The following OTOGL variants were observed in gnomAD, a reference collection of about 807,000 sequenced individuals.
OTOGL encodes the protein otogelin like.
A neutral mutation model predicts 318.5 loss-of-function variants in OTOGL; 285 were observed. That is an observed-to-expected ratio of 0.89 (90% CI 0.81 to 0.99). The LOEUF is 0.99. OTOGL is among the 50% of genes least tolerant of loss of function. The pLI is 0.00. For synonymous variants in OTOGL, 987 were observed against 936.5 expected (o/e 1.05, Z -0.99); for missense variants, 2,899 against 2,845.6 (o/e 1.02, Z -0.43).
chr12:80,217,547 C>A, intron 4 of OTOGL, 51 bp from the exon 5 acceptor site: 2 of 1,269,360 alleles, frequency 1.6e-6, no homozygotes, highest in Non-Finnish European at 2.2e-6. Context: ...GCATGTTTGG[C>A]TTGAATTAAA....
chr12:80,318,522 A>T (rs1887114491), intron 32 of OTOGL, 24 bp from the exon 33 acceptor site: 9 of 1,217,292 alleles, frequency 7.4e-6, no homozygotes, highest in Non-Finnish European at 9.4e-6. Flanking sequence ...CCAATTTATA[A>T]TTCTAATATT....
Position 80,229,275 on chromosome 12 carries a change from T to A in OTOGL, c.508T>A (p.Cys170Ser), listed in dbSNP as rs1310091751. 9 of 1,597,994 alleles carry A rather than the reference T, an allele frequency of 5.6e-6. No homozygotes were observed. In the Admixed American group the frequency reaches 1.5e-4, roughly 27 times the overall value. ...YTVWVHNSPK[C>S]LGSVYSCYRS... ...CTTTAAGGTTCATAACAGCCCTAAA[T>A]GCCTTGGTTCGGTGTATTCTTGTTA... Residue 170 changes from cysteine to serine, a missense_variant, in exon 8 of 59, where the codon TGC (cysteine) becomes AGC (serine). Physicochemically the swap from Cys to Ser is moderately radical, Grantham distance 112. Coordinates refer to ENST00000547103, the MANE Select transcript of OTOGL (RefSeq NM_001378609.3).
intron 57 of OTOGL, among the ~76,000 whole-genome samples, chr12:80,374,775 A>G (rs10778736): frequency 0.85 from 129,116 of 151,774 alleles, 54,958 homozygotes; most frequent in South Asian, 0.88. Context: ...AAGTGAGTAC[A>G]ATTATGTTAT....
Position 80,342,067 on chromosome 12 carries a change from A to G in OTOGL, c.5170A>G (p.Thr1724Ala). ...GGAAATTGAGAAATCATTTGAAGTA[A>G]CAATGAGAAGACCTGTTAGGAATTG... ...SWEIEKSFEVTMRRPVRNCTE... is the reference protein window; with the variant it reads ...SWEIEKSFEVAMRRPVRNCTE... Residue 1724 changes from threonine to alanine, a missense_variant, in exon 44 of 59, where the codon ACA becomes GCA. Physicochemically the swap from Thr to Ala is moderately conservative, Grantham distance 58 (BLOSUM62 0). Coordinates refer to ENST00000547103, the MANE Select transcript of OTOGL (RefSeq NM_001378609.3). The G allele has an allele frequency of 6.2e-7, 1 of 1,607,804 alleles. No individual in the cohort carries two copies. The highest frequency in any genetic ancestry group is 1.7e-4 in the Middle Eastern group (1 of 6,054).
intron 1 of OTOGL, among the ~76,000 whole-genome samples, chr12:80,128,616 T>A (rs533611488): frequency 1.6e-4 from 24 of 152,318 alleles, no homozygotes; most frequent in African/African-American, 5.8e-4. Flanking sequence ...GTCTTTTGTT[T>A]GGCTATGCCC....
Position 80,377,932 on chromosome 12 carries a change from T to C in OTOGL, c.6946T>C (p.Cys2316Arg). Reference sequence around the variant, plus strand: ...TGAAAGTCACCTAAGATTCTGCAAGTGTTGTCGTGAAAATGGAGTACGAAA... The same window carrying C: ...TGAAAGTCACCTAAGATTCTGCAAGCGTTGTCGTGAAAATGGAGTACGAAA... ...NIESHLRFCK[C>R]CRENGVRNLS... Residue 2316 changes from cysteine to arginine, a missense_variant, in exon 59 of 59, where the codon TGT becomes CGT. Physicochemically the swap from Cys to Arg is radical, Grantham distance 180. Coordinates refer to ENST00000547103, the MANE Select transcript of OTOGL (RefSeq NM_001378609.3). The C allele has an allele frequency of 6.2e-7, 1 of 1,610,848 alleles. No homozygotes were observed. The highest frequency in any genetic ancestry group is 8.5e-7 in the Non-Finnish European group (1 of 1,178,120).
chr12:80,286,848 T>C (rs527509682), intron 26 of OTOGL, among the ~76,000 whole-genome samples: 22 of 152,258 alleles, frequency 1.4e-4, no homozygotes, highest in East Asian at 9.7e-4. Context: ...CCTGGATTCA[T>C]TGATTTTTTG....
At chr12:80,309,011 A>AGGGAGT (rs1330497969) in intron 29 of OTOGL, among the ~76,000 whole-genome samples, 12 of 150,088 alleles carry the variant, frequency 8.0e-5, no homozygotes, top group African/African-American at 2.2e-4. Context: ...GGAGAGGGAG[A>AGGGAGT]GAAGAAGTAA....
At chr12:80,359,259 G>A (rs1223473820) in intron 52 of OTOGL, among the ~76,000 whole-genome samples, 1 of 152,154 alleles carries the variant, frequency 6.6e-6, no homozygotes, top group Non-Finnish European at 1.5e-5. Context: ...TGTTGTAGAG[G>A]AGAAGGGGGT....
In OTOGL at chr12:80,356,879, G is replaced by A. The variant is rs11836060; in HGVS notation, c.5984G>A (p.Arg1995Gln). The A allele has an allele frequency of 0.19, 302,271 of 1,595,220 alleles. 30,055 individuals carry two copies. Among genetic ancestry groups the A allele is most frequent in the Middle Eastern group, 0.22 (1,293 of 5,992 alleles). The change falls in exon 49 of 59, where the codon CGA becomes CAA. Residue 1995 changes from arginine (R) to glutamine (Q), a missense_variant. Around this residue, in one of 3 missense-constraint regions of OTOGL, gnomAD observed 2,607 missense variants for 2,524.9 expected, o/e 1.03. Transcript: ENST00000547103. ...GAAGATCAATTCATGATTCAAGTTC[G>A]ACAGGAAGAACCTTGTTGTTTTTCC... ...CREDQFMIQV[R>Q]QEEPCCFSPF...
chr12:80,115,364 G>T (rs935000447), intron 1 of OTOGL, among the ~76,000 whole-genome samples: 1 of 152,062 alleles, frequency 6.6e-6, no homozygotes, highest in South Asian at 2.1e-4. Flanking sequence ...TCTTCTGCAG[G>T]TCTGCTGGAG....
At chr12:80,255,208 A>G in intron 16 of OTOGL, 23 bp downstream of exon 16, 3 of 1,397,698 alleles carry the variant, frequency 2.1e-6, no homozygotes, top group Non-Finnish European at 2.8e-6. Context: ...CAAAATGACC[A>G]GAGGAATATG....
At position 80,279,062 on chromosome 12, in the gene OTOGL, T is replaced by C. The variant is rs1193233052; in HGVS notation, c.2824T>C (p.Tyr942His). The change falls in exon 26 of 59, where the codon TAT (tyrosine) becomes CAT (histidine). Residue 942 changes from tyrosine (Y) to histidine (H), a missense_variant. By Grantham distance (83) the Tyr-to-His change is moderately conservative. This residue lies in a region of OTOGL where 2,607 missense variants were observed against 2,524.9 expected (regional missense o/e 1.03). Transcript: ENST00000547103. Reference protein sequence around the residue: ...CRRGMFNCTYYPCPAVCTIYG... With the variant: ...CRRGMFNCTYHPCPAVCTIYG... The stretch of plus-strand genomic sequence containing the variant: ...ACGAGGAATGTTCAATTGCACATAT[T>C]ATCCATGCCCAGCAGTGTGCACAAT... The C allele has an allele frequency of 6.3e-7, 1 of 1,595,432 alleles. No individual in the cohort carries two copies. Among genetic ancestry groups the C allele is most frequent in the Non-Finnish European group, 8.5e-7 (1 of 1,176,968 alleles).
chr12:80,155,365 T>A (rs1210283790), intron 1 of OTOGL, among the ~76,000 whole-genome samples: 1 of 152,232 alleles, frequency 6.6e-6, no homozygotes, highest in East Asian at 1.9e-4. Context: ...TATTCAAGGC[T>A]ATCTGGGTTT....
chr12:80,257,994 T>A lies in OTOGL; in HGVS notation c.1881T>A (p.Asp627Glu). 1 of 1,579,786 alleles carries A rather than the reference T, an allele frequency of 6.3e-7. No homozygotes were observed. The highest frequency in any genetic ancestry group is 1.1e-5 in the South Asian group (1 of 87,068). Residue 627 changes from aspartate (D) to glutamate (E), a missense_variant, in exon 18 of 59, where the codon GAT becomes GAA. This residue lies in a region of OTOGL where 2,607 missense variants were observed against 2,524.9 expected (regional missense o/e 1.03). Transcript: ENST00000547103. The part of the protein sequence containing the change: ...LCGTFNGNIR[D>E]DFLSPSGMIE... ...GCACTTTTAATGGCAACATAAGGGA[T>A]GATTTTCTGTAAGTATGATTTCTGC...
At chr12:80,307,115 G>A (rs1886179755) in intron 29 of OTOGL, among the ~76,000 whole-genome samples, 2 of 150,708 alleles carry the variant, frequency 1.3e-5, no homozygotes, top group African/African-American at 4.9e-5. Context: ...AGAGAGCACA[G>A]GGTTGGGGGT....
chr12:80,261,533 T>C (rs777849747), intron 18 of OTOGL, among the ~76,000 whole-genome samples: 70 of 152,136 alleles, frequency 4.6e-4, no homozygotes, highest in Admixed American at 4.6e-4. Context: ...AAAAAAATCA[T>C]GTGAAATGCC....
At chr12:80,138,947 C>T (rs1871749583) in intron 1 of OTOGL, among the ~76,000 whole-genome samples, 1 of 152,160 alleles carries the variant, frequency 6.6e-6, no homozygotes, top group Non-Finnish European at 1.5e-5. Context: ...CTATCTTTCT[C>T]ACCGTCTCTT....
chr12:80,166,678 GTTTCTGAT>G (rs1329942676), intron 1 of OTOGL, among the ~76,000 whole-genome samples: 3 of 152,100 alleles, frequency 2.0e-5, no homozygotes, highest in Non-Finnish European at 2.9e-5. Flanking sequence ...TGGAATTTCT[GTTTCTGAT>G]TCCAAATTCC....
Sources: allele counts gnomAD v4.1 joint callset (sites outside exome capture counted in the v4.1 genomes callset), GRCh38; gene constraint gnomAD v4.1.1; regional missense constraint gnomAD v4.1.1; transcripts MANE v1.5; gene names NCBI Gene and HGNC (gene_info 2026-07-23, HGNC 2026-07-21).